PDZRN4: variants seen among roughly 807,000 people sequenced by gnomAD.
PDZRN4 encodes PDZ domain containing ring finger 4.
PDZRN4 carries 70 observed loss-of-function variants against 99.0 expected under a neutral mutation model. The observed-to-expected ratio is 0.71, with a 90% CI of 0.58 to 0.86. The LOEUF (loss-of-function observed/expected upper bound fraction) is 0.86. Among genes scored for constraint, PDZRN4 ranks in the 40% least tolerant of loss-of-function variants. The pLI, the probability that PDZRN4 is intolerant of heterozygous loss-of-function variation, is 0.00. For missense variants in PDZRN4, 1,474 were observed against 1,331.2 expected, an observed-to-expected ratio of 1.11 and a Z score of -1.67; for synonymous variants, 551 against 501.6, an observed-to-expected ratio of 1.10 and a Z score of -1.32.
chr12:41,346,832 T>G (rs961564543), intron 3 of PDZRN4, among the ~76,000 whole-genome samples: 1 of 152,198 alleles, frequency 6.6e-6, no homozygotes, highest in African/African-American at 2.4e-5. Flanking sequence ...CTCTAACCTC[T>G]CACTAATATA....
chr12:41,495,844 C>T (rs1018230603), intron 3 of PDZRN4, among the ~76,000 whole-genome samples: 5 of 152,042 alleles, frequency 3.3e-5, no homozygotes, highest in Non-Finnish European at 7.4e-5. Context: ...GGTTCCTCTC[C>T]TTTCTCCCAT....
At position 41,244,727 on chromosome 12, in the gene PDZRN4, G is replaced by A. The variant is rs564732547; in HGVS notation, c.843+50539G>A. On this transcript the variant is annotated intron_variant, in intron 3 of 9. Transcript: ENST00000402685. ...GAGTCTCGCTCTGTCGCCCAGGCCAGACTGCGGACTGCAGTGGCGCAATCT... is the reference window on the plus strand; with the variant it reads ...GAGTCTCGCTCTGTCGCCCAGGCCAAACTGCGGACTGCAGTGGCGCAATCT... 2.8e-5 allele frequency among the ~76,000 whole-genome samples: 4 copies of A among 142,374 alleles called. No homozygotes were observed. The East Asian group carries it at 8.4e-4, about 30-fold the overall frequency. 93.4% of individuals were successfully genotyped at this position (142,374 alleles called of 152,430 possible).
intron 3 of PDZRN4, among the ~76,000 whole-genome samples, chr12:41,244,317 T>A (rs566866946): frequency 6.6e-6 from 1 of 152,288 alleles, no homozygotes; most frequent in African/African-American, 2.4e-5. Context: ...ACCTTCTAAC[T>A]GGTCTCTCTC....
chr12:41,304,168 A>G (rs768401326), intron 3 of PDZRN4, among the ~76,000 whole-genome samples: 7 of 152,238 alleles, frequency 4.6e-5, no homozygotes, highest in Admixed American at 6.5e-5. Flanking sequence ...ATGGAAGAGT[A>G]TGCTGTTTAC....
chr12:41,541,733 G>T (rs1447127606), intron 5 of PDZRN4, among the ~76,000 whole-genome samples: 1 of 151,924 alleles, frequency 6.6e-6, no homozygotes, highest in Non-Finnish European at 1.5e-5. Flanking sequence ...GATTACAGGC[G>T]TGAGCCACCA....
intron 3 of PDZRN4, among the ~76,000 whole-genome samples, chr12:41,485,315 C>G (rs539500901): frequency 6.6e-6 from 1 of 152,270 alleles, no homozygotes; most frequent in East Asian, 1.9e-4. Flanking sequence ...CAAGGCAAGT[C>G]AGACACTGTG....
At chr12:41,257,674 A>G (rs1951212642) in intron 3 of PDZRN4, among the ~76,000 whole-genome samples, 1 of 152,246 alleles carries the variant, frequency 6.6e-6, no homozygotes, top group African/African-American at 2.4e-5. Flanking sequence ...GTGTGGTATC[A>G]TGAAATTCAG....
intron 3 of PDZRN4, among the ~76,000 whole-genome samples, chr12:41,400,112 C>T (rs1388747295): frequency 6.6e-6 from 1 of 152,108 alleles, no homozygotes; most frequent in Non-Finnish European, 1.5e-5. Flanking sequence ...AACTCAGGTG[C>T]TGGTTGCAAG....
chr12:41,319,500 A>C (rs1392782171), intron 3 of PDZRN4, among the ~76,000 whole-genome samples: 1 of 151,962 alleles, frequency 6.6e-6, no homozygotes, highest in African/African-American at 2.4e-5. Context: ...GCTTGCTTCA[A>C]AGACCCTTAA....
intron 3 of PDZRN4, among the ~76,000 whole-genome samples, chr12:41,316,640 G>A (rs1385531548): frequency 1.3e-5 from 2 of 151,908 alleles, no homozygotes; most frequent in African/African-American, 2.4e-5. Flanking sequence ...GTTGTATCAC[G>A]AGTACCCATG....
At chr12:41,372,945 A>G (rs946257732) in intron 3 of PDZRN4, among the ~76,000 whole-genome samples, 6 of 152,150 alleles carry the variant, frequency 3.9e-5, no homozygotes, top group Non-Finnish European at 8.8e-5. Flanking sequence ...TATTTTCCCT[A>G]AGTGTTGGCT....
intron 3 of PDZRN4, among the ~76,000 whole-genome samples, chr12:41,220,109 T>A (rs1221999532): frequency 6.6e-6 from 1 of 152,120 alleles, no homozygotes; most frequent in Non-Finnish European, 1.5e-5. Flanking sequence ...CCCACCTGCC[T>A]CTGTAAAGTC....
chr12:41,317,088 T>C (rs761520258), intron 3 of PDZRN4, among the ~76,000 whole-genome samples: 6 of 49,126 alleles, frequency 1.2e-4, no homozygotes, highest in Admixed American at 5.6e-4. Context: ...TATTTGTATA[T>C]TACATAGAGA....
At chr12:41,497,161 T>C (rs1938022094) in intron 3 of PDZRN4, among the ~76,000 whole-genome samples, 2 of 152,132 alleles carry the variant, frequency 1.3e-5, no homozygotes, top group Admixed American at 1.3e-4. Context: ...AAAAAAGATC[T>C]TGTCCAAGGG....
At chr12:41,205,882 T>C (rs1405063545) in intron 3 of PDZRN4, among the ~76,000 whole-genome samples, 2 of 151,928 alleles carry the variant, frequency 1.3e-5, no homozygotes, top group African/African-American at 4.8e-5. Flanking sequence ...TCTTCCCCTG[T>C]TCCTTCATTA....
chr12:41,188,453 A>C lies in PDZRN4; in HGVS notation c.-3A>C. 6.3e-7 allele frequency: 1 copy of C among 1,581,050 alleles called. No individual in the cohort carries two copies. The highest frequency in any genetic ancestry group is 8.5e-7 in the Non-Finnish European group (1 of 1,171,072). ...CGCTCCCCCTTTCTTCCCCATCCCT[A>C]ACATGGGCTTTGCCCTGGAGCGCTT... is the stretch of plus-strand genomic sequence containing the variant. On this transcript the variant is annotated 5_prime_UTR_variant, in exon 1 of 10. Transcript: ENST00000402685.
rs181719978 is a variant in PDZRN4, at chr12:41,334,315, A to G, written c.843+140127A>G. On this transcript the variant is annotated intron_variant, in intron 3 of 9. Coordinates refer to ENST00000402685, the MANE Select transcript of PDZRN4 (RefSeq NM_001164595.2). ...TGGTTTTGTTTGCTCTTGAATACCA[A>G]GAGTCCATCTTTGGTAGTATACTAA... is the stretch of plus-strand genomic sequence containing the variant. 2.0e-4 allele frequency among the ~76,000 whole-genome samples: 30 copies of G among 152,028 alleles called. No individual in the cohort carries two copies. The East Asian group carries it at 5.4e-3, about 28-fold the overall frequency.
intron 3 of PDZRN4, among the ~76,000 whole-genome samples, chr12:41,242,278 A>G (rs1400157888): frequency 6.6e-6 from 1 of 152,228 alleles, no homozygotes; most frequent in African/African-American, 2.4e-5. Flanking sequence ...TGTTTTCCAA[A>G]ACAGTTGATT....
At chr12:41,570,529 T>C (rs111897360) in intron 9 of PDZRN4, among the ~76,000 whole-genome samples, 350 of 152,320 alleles carry the variant, frequency 2.3e-3, no homozygotes, top group African/African-American at 8.1e-3. Context: ...TGCCGTTACA[T>C]TGTGCAACAT....
Sources: allele counts gnomAD v4.1 joint callset (sites outside exome capture counted in the v4.1 genomes callset), GRCh38; gene constraint gnomAD v4.1.1; transcripts MANE v1.5; gene names NCBI Gene and HGNC (gene_info 2026-07-23, HGNC 2026-07-21).